Variants in CFAP20DC observed in about 807,000 individuals in gnomAD.
CFAP20DC encodes CFAP20 domain containing.
In CFAP20DC, 84 loss-of-function variants were observed where a neutral mutation model predicts 101.7. The observed-to-expected ratio is 0.83, with a 90% CI of 0.69 to 0.99. CFAP20DC has a LOEUF of 0.99. Among genes scored for constraint, CFAP20DC ranks in the 50% least tolerant of loss-of-function variants. CFAP20DC has a pLI of 0.00. For missense variants in CFAP20DC, 1,007 were observed against 970.3 expected (o/e 1.04, Z -0.50); for synonymous variants, 359 against 351.2 (o/e 1.02, Z -0.25).
chr3:58,788,182 GCAAAA>G lies in CFAP20DC; in HGVS notation c.2237+18208_2237+18212del, dbSNP rs1387936979. 6.6e-6 allele frequency among the ~76,000 whole-genome samples: 1 copy of G among 151,170 alleles called. No homozygotes were observed. The highest frequency in any genetic ancestry group is 1.5e-5 in the Non-Finnish European group (1 of 67,758). On this transcript the variant is annotated intron_variant, in intron 15 of 16. Coordinates refer to ENST00000482387, the MANE Select transcript of CFAP20DC (RefSeq NM_001394063.1). This position sits in a 1 kb window ranked among gnomAD's most constrained non-coding sequence, Gnocchi z 4.2. Reference sequence around the variant, plus strand: ...GAGGAAGAAAACACTAAAAAACAAAGCAAAACAAAACAAAACTCCAACTCACTGCA... The same window carrying G: ...GAGGAAGAAAACACTAAAAAACAAAGCAAAACAAAACTCCAACTCACTGCA...
At chr3:58,993,799 A>G (rs1050396195) in intron 4 of CFAP20DC, among the ~76,000 whole-genome samples, 24 of 152,260 alleles carry the variant, frequency 1.6e-4, no homozygotes, top group Non-Finnish European at 2.8e-4. Context: ...TCCATGGTGT[A>G]TATGTACCAT....
chr3:58,942,138 C>T (rs1033954084), intron 4 of CFAP20DC, among the ~76,000 whole-genome samples: 1 of 151,982 alleles, frequency 6.6e-6, no homozygotes, highest in African/African-American at 2.4e-5. Context: ...TGTTTTTCAC[C>T]TTTATTCTGT....
At position 58,795,485 on chromosome 3, in the gene CFAP20DC, C is replaced by T. The variant is rs9812418; in HGVS notation, c.2237+10910G>A. 0.12 allele frequency among the ~76,000 whole-genome samples: 18,073 copies of T among 152,156 alleles called. 1,932 individuals carry two copies. The highest frequency in any genetic ancestry group is 0.35 in the East Asian group (1,809 of 5,154). ...CAAGACCCCATTTCTACAAAAAAAT[C>T]AGCTTGGCTTGTGCCTGTGGTCTCG... is the stretch of plus-strand genomic sequence containing the variant. On this transcript the variant is annotated intron_variant, in intron 15 of 16. Transcript: ENST00000482387. The surrounding 1 kb of genome is among the most constrained non-coding windows in gnomAD (Gnocchi z 4.2).
chr3:58,928,566 T>A (rs2086233789), intron 5 of CFAP20DC, among the ~76,000 whole-genome samples: 1 of 152,224 alleles, frequency 6.6e-6, no homozygotes, highest in East Asian at 1.9e-4. Flanking sequence ...AGAATCCAGA[T>A]TCTACGTTCT....
At chr3:58,823,474 G>C (rs2075830040) in intron 14 of CFAP20DC, among the ~76,000 whole-genome samples, 1 of 152,086 alleles carries the variant, frequency 6.6e-6, no homozygotes. Context: ...CATTTATTGA[G>C]TACTTATGCT....
chr3:58,793,643 C>G (rs953927740), intron 15 of CFAP20DC, among the ~76,000 whole-genome samples: 21 of 152,084 alleles, frequency 1.4e-4, no homozygotes, highest in Admixed American at 1.0e-3. Flanking sequence ...AGATTCTCAC[C>G]CCCTACCCTC....
In CFAP20DC at chr3:58,778,730, C is replaced by G. The variant is rs376526493; in HGVS notation, c.2238-24867G>C. ...GGGGCCCAAATACAGGCATGGTCAG[C>G]CCACTGCTGCCACTATTGAGGTCCG... On this transcript the variant is annotated intron_variant, in intron 15 of 16. Coordinates refer to ENST00000482387, the MANE Select transcript of CFAP20DC (RefSeq NM_001394063.1). Among the ~76,000 whole-genome samples the G allele has an allele frequency of 3.1e-4, 47 of 152,338 alleles. No individual in the cohort carries two copies. In the East Asian group the frequency reaches 8.5e-3, roughly 27 times the overall value.
chr3:58,758,130 C>G (rs1277545928), intron 15 of CFAP20DC, among the ~76,000 whole-genome samples: 1 of 152,212 alleles, frequency 6.6e-6, no homozygotes, highest in East Asian at 1.9e-4. Flanking sequence ...TTTCCCCACT[C>G]TGGTGGCATT....
chr3:58,982,558 G>C (rs1273247960), intron 4 of CFAP20DC, among the ~76,000 whole-genome samples: 1 of 151,858 alleles, frequency 6.6e-6, no homozygotes, highest in Non-Finnish European at 1.5e-5. Context: ...CCTTTGTAGG[G>C]ACATGGATGA....
Position 58,722,577 on chromosome 3 carries a change from C to T in CFAP20DC, c.198-4949G>A, listed in dbSNP as rs907440971. Among the ~76,000 whole-genome samples the T allele has an allele frequency of 6.6e-6, 1 of 152,186 alleles. No homozygotes were observed. Among genetic ancestry groups the T allele is most frequent in the Admixed American group, 6.5e-5 (1 of 15,286 alleles). ...AGAGATGCCACCTTCAACTCAAAAG[C>T]CCAGCTCTCCCCTTCGACGCAGGGT... On this transcript the variant is annotated intron_variant, in intron 3 of 3. Transcript: ENST00000486145. This position sits in a 1 kb window ranked among gnomAD's most constrained non-coding sequence, Gnocchi z 4.5.
At chr3:58,719,857 C>G (rs2067446414) in intron 3 of CFAP20DC, among the ~76,000 whole-genome samples, 1 of 152,260 alleles carries the variant, frequency 6.6e-6, no homozygotes, top group Non-Finnish European at 1.5e-5. Flanking sequence ...AGACAGACCA[C>G]TTGGCACTCT....
At chr3:58,903,605 C>T in intron 6 of CFAP20DC, among the ~76,000 whole-genome samples, 1 of 152,134 alleles carries the variant, frequency 6.6e-6, no homozygotes, top group East Asian at 1.9e-4. Flanking sequence ...TGTTCTTCTT[C>T]ATAAAGCAGC....
intron 15 of CFAP20DC, among the ~76,000 whole-genome samples, chr3:58,787,709 T>C (rs1282480948): frequency 5.3e-5 from 8 of 152,072 alleles, no homozygotes; most frequent in Non-Finnish European, 1.0e-4. Context: ...GCAGCACTAT[T>C]TACAATAGCA....
intron 4 of CFAP20DC, among the ~76,000 whole-genome samples, chr3:58,977,091 G>C (rs2092310059): frequency 6.6e-6 from 1 of 152,178 alleles, no homozygotes; most frequent in Non-Finnish European, 1.5e-5. Flanking sequence ...TAGGATATAA[G>C]AACTTAAGTA....
At chr3:58,891,506 T>A (rs1339166367) in intron 6 of CFAP20DC, among the ~76,000 whole-genome samples, 1 of 152,026 alleles carries the variant, frequency 6.6e-6, no homozygotes, top group Non-Finnish European at 1.5e-5. Context: ...CCGTTCTGAC[T>A]GGTGTGAGAT....
chr3:58,898,940 A>C (rs1184408823), intron 6 of CFAP20DC, among the ~76,000 whole-genome samples: 5 of 150,916 alleles, frequency 3.3e-5, no homozygotes, highest in African/African-American at 1.2e-4. Flanking sequence ...CTATTCTTCC[A>C]TAGGGCTGCT....
intron 5 of CFAP20DC, among the ~76,000 whole-genome samples, chr3:58,934,983 G>A (rs1185731923): frequency 1.3e-5 from 2 of 152,182 alleles, no homozygotes; most frequent in Non-Finnish European, 2.9e-5. Flanking sequence ...AAGTCAAATT[G>A]TCCCTGTTTG....
intron 16 of CFAP20DC, among the ~76,000 whole-genome samples, chr3:58,743,975 A>C (rs940947406): frequency 1.3e-5 from 2 of 152,210 alleles, no homozygotes; most frequent in African/African-American, 2.4e-5. Context: ...GATGACAAGA[A>C]ACAATCCCTA....
At chr3:58,817,263 A>G (rs1325731013) in intron 14 of CFAP20DC, among the ~76,000 whole-genome samples, 2 of 152,238 alleles carry the variant, frequency 1.3e-5, no homozygotes, top group Admixed American at 6.5e-5. Flanking sequence ...GCAGTTCCTC[A>G]AGAGCAACGG....
Sources: gnomAD v4.1 joint callset for allele counts (sites outside exome capture counted in the v4.1 genomes callset) on GRCh38, gnomAD v4.1.1 for gene constraint, Gnocchi (gnomAD v3.1) non-coding constraint, MANE v1.5 for transcripts, NCBI Gene and HGNC (gene_info 2026-07-23, HGNC 2026-07-21) for gene names.